The following NEBL variants were observed in gnomAD, a reference collection of about 807,000 sequenced individuals.
The protein encoded by NEBL is nebulette.
In NEBL, 122 loss-of-function variants were observed where a neutral mutation model predicts 140.2. The ratio of observed to expected loss-of-function variants is 0.87; its 90% CI spans 0.75 to 1.01. The LOEUF is 1.01. Among genes scored for constraint, NEBL ranks in the 50% least tolerant of loss-of-function variants. The pLI is 0.00. For missense variants in NEBL, 1,365 were observed against 1,231.3 expected, an observed-to-expected ratio of 1.11 and a Z score of -1.62; for synonymous variants, 436 against 398.9, an observed-to-expected ratio of 1.09 and a Z score of -1.11.
chr10:21,181,254 A>C (rs903998628), intron 3 of NEBL, among the ~76,000 whole-genome samples: 5 of 146,352 alleles, frequency 3.4e-5, no homozygotes, highest in Admixed American at 3.4e-4. Flanking sequence ...CAAAAGTGAA[A>C]CTCTGTCTCA....
At chr10:20,926,488 A>G (rs547851120) in intron 4 of NEBL, among the ~76,000 whole-genome samples, 7 of 152,334 alleles carry the variant, frequency 4.6e-5, no homozygotes, top group African/African-American at 9.6e-5. Flanking sequence ...TGCTCTGCCT[A>G]TACCTATATG....
At position 21,288,294 on chromosome 10, in the gene NEBL, C is replaced by A. The variant is rs183791125; in HGVS notation, n.182+4536G>T. On this transcript the variant is annotated intron_variant and non_coding_transcript_variant, in intron 1 of 8. Coordinates refer to the NEBL transcript ENST00000675702. ...ACCAGCCTGGCCAACATAATGAAAC[C>A]CTGTCTCTACTAAAACTATGAAAAT... 2.8e-4 allele frequency among the ~76,000 whole-genome samples: 43 copies of A among 151,766 alleles called. No individual in the cohort carries two copies. In the East Asian group the frequency reaches 7.4e-3, roughly 26 times the overall value.
chr10:20,993,860 CCTAA>C (rs1467729488), intron 3 of NEBL, among the ~76,000 whole-genome samples: 4 of 152,254 alleles, frequency 2.6e-5, no homozygotes, highest in East Asian at 1.9e-4. Flanking sequence ...GCACTGCCAC[CCTAA>C]CTAACTCTCT....
At chr10:21,121,356 C>A (rs965952125) in intron 2 of NEBL, among the ~76,000 whole-genome samples, 2 of 152,088 alleles carry the variant, frequency 1.3e-5, no homozygotes, top group African/African-American at 4.8e-5. Context: ...CAGTCCCTAC[C>A]TCTTGAGTTC....
intron 11 of NEBL, among the ~76,000 whole-genome samples, chr10:20,847,913 G>A (rs1030279686): frequency 5.9e-5 from 9 of 152,028 alleles, no homozygotes; most frequent in Non-Finnish European, 1.0e-4. Flanking sequence ...TTATTTTCAC[G>A]TTGAAAATCA....
intron 1 of NEBL, among the ~76,000 whole-genome samples, chr10:21,275,867 AG>A (rs1022692733): frequency 1.4e-5 from 2 of 138,278 alleles, no homozygotes; most frequent in Non-Finnish European, 3.0e-5. Flanking sequence ...CATATTGGTC[AG>A]GCTGGTCTTG....
intron 26 of NEBL, among the ~76,000 whole-genome samples, chr10:20,797,027 G>A (rs1275831321): frequency 1.3e-5 from 2 of 152,182 alleles, no homozygotes; most frequent in Non-Finnish European, 2.9e-5. Flanking sequence ...TCGATAAGGG[G>A]AAAGCAATTC....
intron 4 of NEBL, among the ~76,000 whole-genome samples, chr10:20,936,480 C>T (rs533232889): frequency 6.6e-6 from 1 of 152,196 alleles, no homozygotes; most frequent in African/African-American, 2.4e-5. Context: ...GTCTGCTTGT[C>T]ACTCTGGCCC....
chr10:21,076,435 A>C (rs1056935905), intron 2 of NEBL, among the ~76,000 whole-genome samples: 1 of 128,044 alleles, frequency 7.8e-6, no homozygotes, highest in Non-Finnish European at 1.6e-5. Context: ...ACAGAGAGAG[A>C]CTCAGTTTCA....
chr10:21,219,172 G>T (rs1222584713), intron 3 of NEBL, among the ~76,000 whole-genome samples: 1 of 152,218 alleles, frequency 6.6e-6, no homozygotes, highest in Non-Finnish European at 1.5e-5. Flanking sequence ...TTCTAAAAAT[G>T]TGAGTTGGGT....
At chr10:21,092,331 G>T (rs542358727) in intron 2 of NEBL, among the ~76,000 whole-genome samples, 1 of 152,224 alleles carries the variant, frequency 6.6e-6, no homozygotes, top group East Asian at 1.9e-4. Context: ...CCCACTGTTT[G>T]CCTGTGCTTC....
In NEBL at chr10:21,260,755, T is replaced by A. The variant is rs569161501; in HGVS notation, n.183-8927A>T. ...CTGGCATCTCCTAAAAGAGAAAAAA[T>A]GTTGCCCCTCATTATGCCCTTGCTG... On this transcript the variant is annotated intron_variant and non_coding_transcript_variant, in intron 1 of 8. Transcript: ENST00000675702. Among the ~76,000 whole-genome samples the A allele has an allele frequency of 1.4e-4, 22 of 152,182 alleles. No individual in the cohort carries two copies. In the South Asian group the frequency reaches 4.4e-3, roughly 30 times the overall value.
At chr10:21,132,403 T>G (rs1043825901) in intron 2 of NEBL, among the ~76,000 whole-genome samples, 8 of 152,194 alleles carry the variant, frequency 5.3e-5, no homozygotes, top group Admixed American at 5.2e-4. Context: ...GACATTTGGG[T>G]TGTTTCCACT....
At chr10:20,905,837 C>T (rs1230435883) in intron 4 of NEBL, among the ~76,000 whole-genome samples, 2 of 152,102 alleles carry the variant, frequency 1.3e-5, no homozygotes, top group Non-Finnish European at 2.9e-5. Context: ...CAGGGGAGAG[C>T]TACATGACGG....
chr10:20,857,554 C>A (rs571408173), intron 9 of NEBL, among the ~76,000 whole-genome samples: 17 of 152,172 alleles, frequency 1.1e-4, no homozygotes, highest in African/African-American at 4.1e-4. Flanking sequence ...ATGAGATGTA[C>A]AAAATGGAGC....
chr10:21,245,681 A>T (rs1319546011), intron 3 of NEBL, among the ~76,000 whole-genome samples: 2 of 151,978 alleles, frequency 1.3e-5, no homozygotes, highest in African/African-American at 4.8e-5. Context: ...GCAGGTGCCC[A>T]CCACCATGCC....
At chr10:21,060,664 T>G (rs999674954) in intron 2 of NEBL, among the ~76,000 whole-genome samples, 3 of 152,110 alleles carry the variant, frequency 2.0e-5, no homozygotes, top group Non-Finnish European at 4.4e-5. Flanking sequence ...CTTCCCTGTA[T>G]GCAAAACTCT....
chr10:21,094,545 G>T (rs970283429), intron 2 of NEBL, among the ~76,000 whole-genome samples: 1 of 150,552 alleles, frequency 6.6e-6, no homozygotes, highest in Admixed American at 6.6e-5. Flanking sequence ...AGCCAGATGT[G>T]GTGGTGGAGT....
chr10:21,155,183 A>G (rs1840292791), intron 2 of NEBL, among the ~76,000 whole-genome samples: 1 of 152,206 alleles, frequency 6.6e-6, no homozygotes, highest in African/African-American at 2.4e-5. Context: ...TCGGCGACAG[A>G]GCAAGACTCC....
Sources: gnomAD v4.1 joint callset for allele counts (sites outside exome capture counted in the v4.1 genomes callset) on GRCh38, gnomAD v4.1.1 for gene constraint, MANE v1.5 for transcripts, NCBI Gene and HGNC (gene_info 2026-07-23, HGNC 2026-07-21) for gene names.